The following USP45 variants were observed in gnomAD, a reference collection of about 807,000 sequenced individuals.
USP45 encodes the protein ubiquitin carboxyl-terminal hydrolase 45.
In USP45, 89 loss-of-function variants were observed where a neutral mutation model predicts 95.8. The ratio of observed to expected loss-of-function variants is 0.93; its 90% CI spans 0.78 to 1.11. USP45 has a LOEUF of 1.11. USP45 is among the 50% of genes least tolerant of loss of function. The pLI is 0.00. For missense variants in USP45, 898 were observed against 942.5 expected (o/e 0.95, Z 0.62); for synonymous variants, 281 against 316.2 (o/e 0.89, Z 1.18).
intron 17 of USP45, 66 bp downstream of exon 17, chr6:99,437,180 C>T: frequency 6.7e-7 from 1 of 1,488,344 alleles, no homozygotes; most frequent in South Asian, 1.3e-5. Flanking sequence ...AATAACTTAG[C>T]TCTCCCAGAA....
At position 99,435,703 on chromosome 6, in the gene USP45, T is replaced by A; in HGVS notation, c.*13A>T. On this transcript the variant is annotated 3_prime_UTR_variant, in exon 18 of 18. Transcript: ENST00000500704. ...CAAAAACAAATGACCTAAATAATCA[T>A]TACCATTAATAGTTATAATACTCTT... The A allele has an allele frequency of 6.2e-7, 1 of 1,605,718 alleles. No homozygotes were observed. Among genetic ancestry groups the A allele is most frequent in the Non-Finnish European group, 8.5e-7 (1 of 1,176,184 alleles).
chr6:99,504,337 A>AC (rs1014361996), intron 4 of USP45, among the ~76,000 whole-genome samples: 1 of 151,982 alleles, frequency 6.6e-6, no homozygotes, highest in African/African-American at 2.4e-5. Flanking sequence ...ATGGGGTTTC[A>AC]CCATGTTGGT....
At chr6:99,445,705 G>A (rs1782406561) in intron 14 of USP45, 92 bp downstream of exon 14, 3 of 979,522 alleles carry the variant, frequency 3.1e-6, no homozygotes, top group South Asian at 1.9e-5. Context: ...ACAAGTATAG[G>A]GACAAGATTC....
chr6:99,508,463 T>C, intron 3 of USP45, 147 bp downstream of exon 3: 1 of 804,882 alleles, frequency 1.2e-6, no homozygotes, highest in Non-Finnish European at 1.9e-6. Context: ...ACCTTAACAA[T>C]CATTTTTAAG....
chr6:99,463,184 C>A (rs536031646), intron 13 of USP45, among the ~76,000 whole-genome samples: 1 of 124,484 alleles, frequency 8.0e-6, no homozygotes, highest in Admixed American at 7.8e-5. Flanking sequence ...ACAATGATCA[C>A]CATTTCATGG....
At chr6:99,437,855 A>T (rs1168976607) in intron 16 of USP45, among the ~76,000 whole-genome samples, 1 of 152,062 alleles carries the variant, frequency 6.6e-6, no homozygotes, top group Non-Finnish European at 1.5e-5. Context: ...ACAGGGTTTT[A>T]CCTTGTTGGA....
chr6:99,489,818 G>A (rs1005670652), intron 5 of USP45, among the ~76,000 whole-genome samples: 3 of 152,020 alleles, frequency 2.0e-5, no homozygotes, highest in East Asian at 1.9e-4. Flanking sequence ...GTGGTGGTGC[G>A]TGCAAGCCTG....
Position 99,435,588 on chromosome 6 carries a change from A to G in USP45, c.*128T>C, listed in dbSNP as rs1168810875. 1.4e-6 allele frequency: 1 copy of G among 708,878 alleles called. No individual in the cohort carries two copies. The highest frequency in any genetic ancestry group is 2.1e-6 in the Non-Finnish European group (1 of 479,550). The allele number at this position is 708,878 out of a possible 1,614,324, so 43.9% of individuals were successfully genotyped here. On this transcript the variant is annotated 3_prime_UTR_variant, in exon 18 of 18. Transcript: ENST00000500704. Reference sequence around the variant, plus strand: ...AAAGGGTTCACCAAAATGGTGAAAAAGTTCAGGACCATTTGAGGAACATGC... The same window carrying G: ...AAAGGGTTCACCAAAATGGTGAAAAGGTTCAGGACCATTTGAGGAACATGC...
intron 15 of USP45, among the ~76,000 whole-genome samples, chr6:99,441,297 C>T (rs1282203864): frequency 2.6e-5 from 4 of 151,996 alleles, no homozygotes; most frequent in East Asian, 1.9e-4. Flanking sequence ...TTTGGGAGGC[C>T]GAGGTGGGTG....
intron 7 of USP45, among the ~76,000 whole-genome samples, chr6:99,487,144 A>T (rs1447857687): frequency 6.6e-6 from 1 of 152,200 alleles, no homozygotes; most frequent in South Asian, 2.1e-4. Flanking sequence ...ATCATGGGAC[A>T]TCTCAATAAA....
chr6:99,441,538 A>AC (rs1781529693), intron 15 of USP45, among the ~76,000 whole-genome samples: 1 of 152,096 alleles, frequency 6.6e-6, no homozygotes, highest in African/African-American at 2.4e-5. Context: ...ATCTCCAAAA[A>AC]AAAAAAAAAT....
chr6:99,440,851 C>T (rs1781387013), intron 15 of USP45, among the ~76,000 whole-genome samples: 1 of 152,122 alleles, frequency 6.6e-6, no homozygotes, highest in Admixed American at 6.5e-5. Flanking sequence ...CCTCTATAAG[C>T]ACCCAATACC....
chr6:99,445,144 G>C (rs1023899824), intron 14 of USP45, among the ~76,000 whole-genome samples: 1 of 152,150 alleles, frequency 6.6e-6, no homozygotes, highest in Non-Finnish European at 1.5e-5. Context: ...GATAGGATCT[G>C]TGAAACACAT....
intron 9 of USP45, among the ~76,000 whole-genome samples, chr6:99,473,895 CAG>C (rs1402068831): frequency 6.6e-6 from 1 of 151,514 alleles, no homozygotes; most frequent in African/African-American, 2.4e-5. Context: ...AGAAAGCTGA[CAG>C]ATAGGGACAT....
At chr6:99,476,328 G>C in intron 8 of USP45, 98 bp from the exon 9 acceptor site, 1 of 1,181,832 alleles carries the variant, frequency 8.5e-7, no homozygotes, top group Non-Finnish European at 1.2e-6. Context: ...CATATTATTA[G>C]CTGGGTGCGG....
chr6:99,463,609 C>T lies in USP45; in HGVS notation c.1308+995G>A, dbSNP rs953447494. On this transcript the variant is annotated intron_variant, in intron 13 of 17. Coordinates refer to ENST00000500704, the MANE Select transcript of USP45 (RefSeq NM_001346022.3). ...CGGGTGGATCATGAGGTCAGGATTTCGAGACCAGCCTGACCAACATGGTGA... is the reference window on the plus strand; with the variant it reads ...CGGGTGGATCATGAGGTCAGGATTTTGAGACCAGCCTGACCAACATGGTGA... Among the ~76,000 whole-genome samples the T allele has an allele frequency of 7.9e-5, 12 of 151,866 alleles. No individual in the cohort carries two copies. In the East Asian group the frequency reaches 2.3e-3, roughly 29 times the overall value.
chr6:99,460,914 AAAC>A (rs1462337818), intron 13 of USP45: 1 of 977,874 alleles, frequency 1.0e-6, no homozygotes, highest in African/African-American at 1.8e-5. Flanking sequence ...AAACAGAAAT[AAAC>A]AACAGATGGG....
At chr6:99,492,345 G>A (rs560923794) in intron 5 of USP45, among the ~76,000 whole-genome samples, 2 of 152,292 alleles carry the variant, frequency 1.3e-5, no homozygotes, top group South Asian at 4.1e-4. Context: ...TACCCACAGG[G>A]CAGTGGCAAT....
rs868626198 is a variant in USP45 at position 99,474,973 on chromosome 6, T to C, written c.933+1170A>G. 9.8e-5 allele frequency among the ~76,000 whole-genome samples: 15 copies of C among 152,336 alleles called. 1 individual carries two copies. The Middle Eastern group carries it at 0.01, about 104-fold the overall frequency. On this transcript the variant is annotated intron_variant, in intron 9 of 17. Coordinates refer to ENST00000500704, the MANE Select transcript of USP45 (RefSeq NM_001346022.3). ...TGGGGAATCTATCCAGTCCACAGGC[T>C]ATTCCTTTTCTGAGAAATGCTCTCT... is the stretch of plus-strand genomic sequence containing the variant.
Sources: gnomAD v4.1 joint callset for allele counts (sites outside exome capture counted in the v4.1 genomes callset) on GRCh38, gnomAD v4.1.1 for gene constraint, MANE v1.5 for transcripts, NCBI Gene and HGNC (gene_info 2026-07-23, HGNC 2026-07-21) for gene names.